Variants in COL13A1 observed in about 807,000 individuals in gnomAD.
The protein encoded by COL13A1 is collagen type XIII alpha 1 chain.
A neutral mutation model predicts 130.9 loss-of-function variants in COL13A1; 89 were observed. The observed-to-expected ratio is 0.68, with a 90% confidence interval of 0.57 to 0.81. The LOEUF is 0.81. COL13A1 is among the 30% of genes least tolerant of loss of function. The pLI, the probability that COL13A1 is intolerant of heterozygous loss-of-function variation, is 0.00. For missense variants in COL13A1, 879 were observed against 934.6 expected, an observed-to-expected ratio of 0.94 and a Z score of 0.78; for synonymous variants, 402 against 341.6, an observed-to-expected ratio of 1.18 and a Z score of -1.95.
In COL13A1 at chr10:69,943,656, G is replaced by A. The variant is rs547408052; in HGVS notation, c.1915-469G>A. 1.5e-4 allele frequency among the ~76,000 whole-genome samples: 23 copies of A among 152,264 alleles called. No individual in the cohort carries two copies. In the Middle Eastern group the frequency reaches 0.01, roughly 68 times the overall value. On this transcript the variant is annotated intron_variant, in intron 35 of 40. Coordinates refer to ENST00000645393, the MANE Select transcript of COL13A1 (RefSeq NM_001368882.1). ...CAGGGCTGTGGGTCTGCGGTGGGCC[G>A]GTGGGGTGGGTGTTGGCTGAACAAC... is the stretch of plus-strand genomic sequence containing the variant.
In COL13A1 at chr10:69,919,679, A is replaced by G. The variant is rs2064374198; in HGVS notation, c.1041A>G (p.Ala347=). Residue 347 remains alanine (A), a synonymous_variant, in exon 21 of 41, where the codon GCA becomes GCG. Transcript: ENST00000645393. ...TTACCCCAAAGGGAGACCCAGGAGCAGAAGGGAAGCCGGGGCCCCCAGGTT... is the reference window on the plus strand; with the variant it reads ...TTACCCCAAAGGGAGACCCAGGAGCGGAAGGGAAGCCGGGGCCCCCAGGTT... ...GIPGTKGDPG[A]EGKPGPPGLL... The G allele has an allele frequency of 2.5e-6, 1 of 398,728 alleles. No homozygotes were observed. The highest frequency in any genetic ancestry group is 4.4e-6 in the Non-Finnish European group (1 of 226,228). 24.7% of individuals were successfully genotyped at this position (398,728 alleles called of 1,614,324 possible). A position where few individuals can be genotyped will look rare whatever the true frequency, so the allele number is the denominator to read the frequency against.
At chr10:69,925,941 G>T in intron 26 of COL13A1, 69 bp downstream of exon 26, 1 of 1,361,912 alleles carries the variant, frequency 7.3e-7, no homozygotes, top group Non-Finnish European at 1.0e-6. Flanking sequence ...CCCTGATCAG[G>T]GGGCCCTTCC....
intron 30 of COL13A1, chr10:69,931,215 G>A (rs1393073215): frequency 8.8e-6 from 4 of 456,156 alleles, no homozygotes; most frequent in Non-Finnish European, 4.4e-6. Flanking sequence ...CAGACCCAGA[G>A]TGGCAGGATT....
intron 18 of COL13A1, 57 bp downstream of exon 18, chr10:69,917,390 T>G: frequency 1.3e-6 from 2 of 1,483,342 alleles, no homozygotes; most frequent in Non-Finnish European, 1.9e-6. Flanking sequence ...CCAGTGCCCA[T>G]CCCTCTCTCC....
chr10:69,829,448 G>C lies in COL13A1; in HGVS notation c.364+7010G>C, dbSNP rs556343839. Reference sequence around the variant, plus strand: ...TCCCAGCAGGCCCCCTGGCAGCACTGGTGCTGCTGGTTGTCTGACCACATT... The same window carrying C: ...TCCCAGCAGGCCCCCTGGCAGCACTCGTGCTGCTGGTTGTCTGACCACATT... On this transcript the variant is annotated intron_variant, in intron 2 of 40. Coordinates refer to ENST00000645393, the MANE Select transcript of COL13A1 (RefSeq NM_001368882.1). Among the ~76,000 whole-genome samples, 696 of 152,342 alleles carry C rather than the reference G, an allele frequency of 4.6e-3. 7 individuals carry two copies. The highest frequency in any genetic ancestry group is 0.016 in the African/African-American group (668 of 41,586).
In COL13A1 at chr10:69,830,468, G is replaced by A. The variant is rs374763836; in HGVS notation, c.364+8030G>A. ...CCAGGGCTGGATCTCCTCCTCTGGAGGGAAAAAAGCAAACGACAAGAGAAT... is the reference window on the plus strand; with the variant it reads ...CCAGGGCTGGATCTCCTCCTCTGGAAGGAAAAAAGCAAACGACAAGAGAAT... On this transcript the variant is annotated intron_variant, in intron 2 of 40. Coordinates refer to ENST00000645393, the MANE Select transcript of COL13A1 (RefSeq NM_001368882.1). 4.6e-5 allele frequency among the ~76,000 whole-genome samples: 7 copies of A among 152,200 alleles called. No individual in the cohort carries two copies. In the East Asian group the frequency reaches 9.6e-4, roughly 21 times the overall value.
chr10:69,862,601 G>T (rs998043774), intron 2 of COL13A1, among the ~76,000 whole-genome samples: 4 of 152,180 alleles, frequency 2.6e-5, no homozygotes, highest in African/African-American at 9.7e-5. Flanking sequence ...GCTTTTCATG[G>T]TTTTTAAAGT....
chr10:69,896,760 T>C (rs369731977), intron 13 of COL13A1, among the ~76,000 whole-genome samples: 7 of 152,068 alleles, frequency 4.6e-5, no homozygotes, highest in Admixed American at 1.3e-4. Context: ...ACGGCGGTGC[T>C]GGGCCCGGGC....
intron 2 of COL13A1, among the ~76,000 whole-genome samples, chr10:69,838,069 A>T (rs1850575615): frequency 6.6e-6 from 1 of 152,212 alleles, no homozygotes; most frequent in Non-Finnish European, 1.5e-5. Flanking sequence ...ACCCCTGGAC[A>T]TTCCACCCAC....
chr10:69,957,344 G>T (rs2070945582), intron 40 of COL13A1, among the ~76,000 whole-genome samples: 1 of 152,188 alleles, frequency 6.6e-6, no homozygotes, highest in Non-Finnish European at 1.5e-5. Context: ...CTTCCCCAAG[G>T]AGTTCCAGAT....
At position 69,836,291 on chromosome 10, in the gene COL13A1, G is replaced by A. The variant is rs114582124; in HGVS notation, c.364+13853G>A. Among the ~76,000 whole-genome samples, 791 of 152,224 alleles carry A rather than the reference G, an allele frequency of 5.2e-3. 8 individuals carry two copies. The highest frequency in any genetic ancestry group is 0.018 in the African/African-American group (729 of 41,546). ...CAGTGTGGGCTACAGTCCCAGGGCC[G>A]CATCCTCCAGGATTCCAGCCCTGGG... On this transcript the variant is annotated intron_variant, in intron 2 of 40. Transcript: ENST00000645393.
chr10:69,943,230 A>G (rs899941109), intron 35 of COL13A1, among the ~76,000 whole-genome samples: 1 of 152,160 alleles, frequency 6.6e-6, no homozygotes. Context: ...CCCTGAGGAC[A>G]TCTTACTCCC....
intron 29 of COL13A1, 70 bp downstream of exon 29, chr10:69,930,157 G>A (rs1445151833): frequency 2.0e-6 from 3 of 1,518,558 alleles, no homozygotes; most frequent in Middle Eastern, 3.5e-4. Context: ...GGTCGGGCAG[G>A]AAGGCTCTAG....
chr10:69,932,600 C>CAGAG lies in COL13A1; in HGVS notation c.1725_1728dup (p.Val577ArgfsTer120), dbSNP rs1270678165. The CAGAG allele has an allele frequency of 5.0e-6, 8 of 1,604,100 alleles. No individual in the cohort carries two copies. The highest frequency in any genetic ancestry group is 6.8e-6 in the Non-Finnish European group (8 of 1,171,246). The stretch of plus-strand genomic sequence containing the variant: ...GCCGGGGAGAAGGGCAATCCAGGAG[C>CAGAG]AGAGGTACATGAGAGATAATTTGAC... On this transcript the variant is annotated frameshift_variant, in exon 31 of 41. Transcript: ENST00000645393. LOFTEE classifies it high-confidence loss of function.
chr10:69,930,208 G>A lies in COL13A1; in HGVS notation c.1530+121G>A, dbSNP rs1275967954. 1.2e-5 allele frequency: 10 copies of A among 865,514 alleles called. No homozygotes were observed. The African/African-American group carries it at 2.6e-4, about 23-fold the overall frequency. The allele number at this position is 865,514 out of a possible 1,614,324, so 53.6% of individuals were successfully genotyped here. ...GAGCCCAGTGGGCAAGGGAAGGGGA[G>A]ATGGGGGGGGGCAGGGAGAGGGGCC... is the stretch of plus-strand genomic sequence containing the variant. On this transcript the variant is annotated intron_variant, in intron 29 of 40. Coordinates refer to ENST00000645393, the MANE Select transcript of COL13A1 (RefSeq NM_001368882.1).
chr10:69,916,223 C>A (rs2063900276), intron 17 of COL13A1, among the ~76,000 whole-genome samples: 1 of 152,202 alleles, frequency 6.6e-6, no homozygotes, highest in South Asian at 2.1e-4. Flanking sequence ...GGAACTGCAG[C>A]CTGGCCTGGC....
intron 2 of COL13A1, among the ~76,000 whole-genome samples, chr10:69,823,518 C>G (rs1274289321): frequency 2.6e-5 from 4 of 152,236 alleles, no homozygotes; most frequent in African/African-American, 7.2e-5. Context: ...AGGGTGCTCA[C>G]TGGGCTCTCT....
rs571290160 is a variant in COL13A1, at chr10:69,949,809, T to C, written c.2058+2467T>C. Among the ~76,000 whole-genome samples the C allele has an allele frequency of 3.3e-5, 5 of 151,874 alleles. No homozygotes were observed. The South Asian group carries it at 1.0e-3, about 32-fold the overall frequency. ...CTGGCAATATAATCATTCAGGAAAA[T>C]TGGATGTTACTGTGGAGCTGCCTGC... On this transcript the variant is annotated intron_variant, in intron 38 of 40. Transcript: ENST00000645393.
chr10:69,909,971 G>A (rs2063184954), intron 17 of COL13A1, among the ~76,000 whole-genome samples: 1 of 152,218 alleles, frequency 6.6e-6, no homozygotes, highest in Non-Finnish European at 1.5e-5. Flanking sequence ...TTTGAAACCA[G>A]GCCTCATCAA....
Sources: gnomAD v4.1 joint callset for allele counts (sites outside exome capture counted in the v4.1 genomes callset) on GRCh38, gnomAD v4.1.1 for gene constraint, MANE v1.5 for transcripts, NCBI Gene and HGNC (gene_info 2026-07-23, HGNC 2026-07-21) for gene names.